The following ELF2 variants were observed in gnomAD, a reference collection of about 807,000 sequenced individuals.
ELF2 encodes E74 like ETS transcription factor 2.
A neutral mutation model predicts 54.8 loss-of-function variants in ELF2; 11 were observed. The ratio of observed to expected loss-of-function variants is 0.20; its 90% CI spans 0.13 to 0.33. ELF2 has a LOEUF of 0.33. Ranked by LOEUF, ELF2 falls within the 10% of genes least tolerant of loss-of-function variation. ELF2 has a pLI of 1.00. For missense variants in ELF2, 513 were observed against 703.0 expected, an observed-to-expected ratio of 0.73 and a Z score of 3.06; for synonymous variants, 203 against 245.1, an observed-to-expected ratio of 0.83 and a Z score of 1.61.
At chr4:139,127,282 A>T (rs1737017235) in intron 3 of ELF2, among the ~76,000 whole-genome samples, 1 of 152,170 alleles carries the variant, frequency 6.6e-6, no homozygotes, top group Admixed American at 6.5e-5. Flanking sequence ...TACCTCCTGA[A>T]CAAATATGCA....
At chr4:139,071,512 C>A (rs915819668) in intron 6 of ELF2, among the ~76,000 whole-genome samples, 1 of 150,890 alleles carries the variant, frequency 6.6e-6, no homozygotes, top group Non-Finnish European at 1.5e-5. Context: ...AAATGTTGTG[C>A]GTGTGTGTGT....
chr4:139,138,196 A>C (rs1578900113), intron 2 of ELF2, among the ~76,000 whole-genome samples: 1 of 152,316 alleles, frequency 6.6e-6, no homozygotes, highest in South Asian at 2.1e-4. Context: ...AGGCAGGCGG[A>C]TCACGAGGTC....
intron 3 of ELF2, among the ~76,000 whole-genome samples, chr4:139,134,614 TTTTA>T (rs1392866697): frequency 8.8e-4 from 103 of 117,252 alleles, no homozygotes; most frequent in Middle Eastern, 4.1e-3. Context: ...TTTTATTTTA[TTTTA>T]TTTATTTTAT....
Position 139,161,822 on chromosome 4 carries a change from T to G in ELF2, c.-252+15145A>C, listed in dbSNP as rs561930303. 3.3e-5 allele frequency among the ~76,000 whole-genome samples: 5 copies of G among 151,536 alleles called. No individual in the cohort carries two copies. The South Asian group carries it at 1.1e-3, about 32-fold the overall frequency. ...CCCGTCTCTACTAAAAATACAAAAT[T>G]AGGCCAGGCGCAGTGTAATCCCAGC... On this transcript the variant is annotated intron_variant, in intron 1 of 9. Transcript: ENST00000686138.
chr4:139,169,279 C>T (rs865893134), intron 1 of ELF2, among the ~76,000 whole-genome samples: 52 of 146,108 alleles, frequency 3.6e-4, no homozygotes, highest in Admixed American at 9.3e-4. Flanking sequence ...ACCCGGGAGG[C>T]AGAGGTTGCG....
At chr4:139,157,941 A>G (rs1433341119) in intron 1 of ELF2, among the ~76,000 whole-genome samples, 1 of 152,208 alleles carries the variant, frequency 6.6e-6, no homozygotes, top group East Asian at 1.9e-4. Context: ...AAGATTCTAA[A>G]TATACTCTGG....
chr4:139,126,304 T>C (rs1736911436), intron 3 of ELF2, among the ~76,000 whole-genome samples: 1 of 148,954 alleles, frequency 6.7e-6, no homozygotes, highest in African/African-American at 2.5e-5. Context: ...GACCAACCAG[T>C]CCAGGAGGTC....
At chr4:139,087,585 C>T (rs1732118310) in intron 4 of ELF2, among the ~76,000 whole-genome samples, 2 of 152,178 alleles carry the variant, frequency 1.3e-5, no homozygotes, top group Admixed American at 1.3e-4. Context: ...CCTGCCTCAG[C>T]CTCCCGAGTA....
chr4:139,114,994 A>G (rs1735476971), intron 4 of ELF2: 2 of 1,613,742 alleles, frequency 1.2e-6, no homozygotes, highest in East Asian at 4.5e-5. Context: ...ACCAGAAATG[A>G]AGGCCTCTGT....
At chr4:139,144,163 G>GT (rs1206952147) in intron 1 of ELF2, among the ~76,000 whole-genome samples, 1 of 152,248 alleles carries the variant, frequency 6.6e-6, no homozygotes, top group African/African-American at 2.4e-5. Context: ...GTAAAAAACT[G>GT]TAAGTCCCCA....
At chr4:139,148,501 C>T (rs1739503913) in intron 1 of ELF2, among the ~76,000 whole-genome samples, 1 of 151,658 alleles carries the variant, frequency 6.6e-6, no homozygotes, top group Admixed American at 6.6e-5. Flanking sequence ...TTGTGACTGG[C>T]TTCTTTCACT....
intron 4 of ELF2, 49 bp from the exon 5 acceptor site, chr4:139,073,616 A>C (rs758865708): frequency 9.6e-7 from 1 of 1,039,062 alleles, no homozygotes; most frequent in East Asian, 2.7e-5. Context: ...TAAACACATG[A>C]CTAAAACATA....
At chr4:139,113,194 CA>C (rs1201790479) in intron 4 of ELF2, among the ~76,000 whole-genome samples, 1 of 151,960 alleles carries the variant, frequency 6.6e-6, no homozygotes, top group Non-Finnish European at 1.5e-5. Flanking sequence ...CTTGTCTCTG[CA>C]AATAATAAAA....
intron 2 of ELF2, 21 bp from the exon 3 acceptor site, chr4:139,137,888 A>C (rs1261275885): frequency 7.7e-7 from 1 of 1,296,990 alleles, no homozygotes; most frequent in African/African-American, 1.5e-5. Flanking sequence ...GAAGAATTTG[A>C]AAAGTTATTT....
chr4:139,125,510 C>T (rs372526582), intron 3 of ELF2, among the ~76,000 whole-genome samples, 181 bp from the exon 4 acceptor site: 1 of 152,112 alleles, frequency 6.6e-6, no homozygotes, highest in African/African-American at 2.4e-5. Flanking sequence ...CCTTTCAAGT[C>T]TCAAGAGGTA....
intron 4 of ELF2, among the ~76,000 whole-genome samples, chr4:139,112,678 T>G (rs1735072305): frequency 6.6e-6 from 1 of 152,244 alleles, no homozygotes. Flanking sequence ...CTGTATTATT[T>G]AGATACACTG....
At position 139,062,002 on chromosome 4, in the gene ELF2, A is replaced by C. The variant is rs757273329; in HGVS notation, c.669T>G (p.Thr223=). The change falls in exon 8 of 10, where the codon ACT becomes ACG. Residue 223 remains threonine, a synonymous_variant. Coordinates refer to ENST00000686138, the MANE Select transcript of ELF2 (RefSeq NM_001331036.3). ...FLLDLLQDKN[T]CPRYIKWTQR... is the part of the protein sequence containing the mutation. ...GAGTCCATTTAATATACCTGGGACAAGTATTTTTATCTTGAAGTAGATCTA... is the reference window on the plus strand; with the variant it reads ...GAGTCCATTTAATATACCTGGGACACGTATTTTTATCTTGAAGTAGATCTA... 1.2e-5 allele frequency: 20 copies of C among 1,614,072 alleles called. No homozygotes were observed. In the Middle Eastern group the frequency reaches 6.6e-4, roughly 53 times the overall value.
chr4:139,096,409 GAA>G (rs1346420551), intron 4 of ELF2, among the ~76,000 whole-genome samples: 3 of 151,990 alleles, frequency 2.0e-5, no homozygotes, highest in African/African-American at 7.2e-5. Context: ...TAAGATTAAA[GAA>G]ATTGAATGGT....
chr4:139,126,434 T>G (rs1263812601), intron 3 of ELF2, among the ~76,000 whole-genome samples: 1 of 151,886 alleles, frequency 6.6e-6, no homozygotes, highest in Admixed American at 6.6e-5. Flanking sequence ...CAATAAAATT[T>G]TCTAAGACTG....
Sources: gnomAD v4.1 joint callset for allele counts (sites outside exome capture counted in the v4.1 genomes callset) on GRCh38, gnomAD v4.1.1 for gene constraint, MANE v1.5 for transcripts, NCBI Gene and HGNC (gene_info 2026-07-23, HGNC 2026-07-21) for gene names.